Variants in LMO7 observed in about 807,000 individuals in gnomAD.
The protein encoded by LMO7 is LIM domain 7, also known as LIM domain only protein 7.
LMO7 carries 120 observed loss-of-function variants against 206.5 expected under a neutral mutation model. That is an observed-to-expected ratio of 0.58 (90% CI 0.50 to 0.68). The LOEUF is 0.68. Ranked by LOEUF, LMO7 falls within the 30% of genes least tolerant of loss-of-function variation. The probability of loss-of-function intolerance (pLI) is 0.00; values close to 1 mark genes in which losing one functional copy is unlikely to be tolerated. For synonymous variants in LMO7, 706 were observed against 681.5 expected (o/e 1.04, Z -0.56); for missense variants, 1,959 against 1,957.9 (o/e 1.00, Z -0.01).
chr13:75,848,179 C>G (rs891946052), intron 26 of LMO7, among the ~76,000 whole-genome samples: 1 of 152,118 alleles, frequency 6.6e-6, no homozygotes, highest in Non-Finnish European at 1.5e-5. Context: ...GAAGTATACA[C>G]TGAGCTGAAT....
At chr13:75,780,328 T>A (rs2051136088) in intron 4 of LMO7, among the ~76,000 whole-genome samples, 1 of 152,050 alleles carries the variant, frequency 6.6e-6, no homozygotes, top group Admixed American at 6.6e-5. Context: ...ACTCCCAGAG[T>A]GGCTATTTTA....
chr13:75,677,209 T>G (rs370390282), intron 1 of LMO7, among the ~76,000 whole-genome samples: 2 of 152,216 alleles, frequency 1.3e-5, no homozygotes, highest in East Asian at 3.8e-4. Flanking sequence ...TGGACCATCC[T>G]CTACAAAAAT....
chr13:75,833,078 A>G lies in LMO7; in HGVS notation c.2977A>G (p.Ile993Val). 1.2e-6 allele frequency: 2 copies of G among 1,610,246 alleles called. No homozygotes were observed. Among genetic ancestry groups the G allele is most frequent in the Non-Finnish European group, 1.7e-6 (2 of 1,176,654 alleles). ...TCAGTTCAGTGATATGAGAATCAGC[A>G]TAAACCAGACGCCTGGGAAGAGTCT... ...QDQFSDMRISINQTPGKSLDF... is the reference protein window; with the variant it reads ...QDQFSDMRISVNQTPGKSLDF... Residue 993 changes from isoleucine (I) to valine (V), a missense_variant, in exon 16 of 31, where the codon ATA becomes GTA. Ile to Val is a conservative substitution (Grantham distance 29). Coordinates refer to ENST00000377534, the MANE Select transcript of LMO7 (RefSeq NM_001306080.2).
At chr13:75,727,128 T>A in intron 3 of LMO7, 30 bp downstream of exon 3, 1 of 1,365,068 alleles carries the variant, frequency 7.3e-7, no homozygotes, top group Middle Eastern at 1.8e-4. Context: ...CACAACTAAA[T>A]TTATTTGTCT....
rs2055171075 is a variant in LMO7, at chr13:75,804,406, G to A, written c.779G>A (p.Arg260His). 2 of 1,614,122 alleles carry A rather than the reference G, an allele frequency of 1.2e-6. No individual in the cohort carries two copies. The highest frequency in any genetic ancestry group is 1.7e-6 in the Non-Finnish European group (2 of 1,179,994). ...CCAAAGACTGCGTTACCCTTCAATCGTTTTTTACCCAACAAAAGTAGACAG... is the reference window on the plus strand; with the variant it reads ...CCAAAGACTGCGTTACCCTTCAATCATTTTTTACCCAACAAAAGTAGACAG... ...VEPKTALPFN[R>H]FLPNKSRQPS... Residue 260 changes from arginine to histidine, a missense_variant, in exon 8 of 31, where the codon CGT becomes CAT. Coordinates refer to ENST00000377534, the MANE Select transcript of LMO7 (RefSeq NM_001306080.2).
intron 3 of LMO7, among the ~76,000 whole-genome samples, chr13:75,744,614 G>GAAATAGA (rs1177330120): frequency 6.6e-6 from 1 of 152,198 alleles, no homozygotes; most frequent in Non-Finnish European, 1.5e-5. Flanking sequence ...AAGTTGACAG[G>GAAATAGA]AAATAGAATC....
intron 3 of LMO7, among the ~76,000 whole-genome samples, chr13:75,755,009 G>A (rs1268434755): frequency 1.3e-5 from 2 of 152,206 alleles, no homozygotes; most frequent in Non-Finnish European, 2.9e-5. Context: ...GGGGTCAAGA[G>A]AATAAGAATG....
intron 2 of LMO7, among the ~76,000 whole-genome samples, chr13:75,723,449 TAGG>T (rs2044198562): frequency 6.6e-6 from 1 of 152,296 alleles, no homozygotes; most frequent in African/African-American, 2.4e-5. Flanking sequence ...TCTTTGGAAA[TAGG>T]AGCTCAAAAG....
intron 4 of LMO7, among the ~76,000 whole-genome samples, chr13:75,774,889 C>CT (rs1049801231): frequency 2.6e-5 from 4 of 152,020 alleles, no homozygotes; most frequent in African/African-American, 7.2e-5. Context: ...ATGATCCATA[C>CT]TTTTTTGTGT....
chr13:75,645,536 T>A (rs2036933733), intron 1 of LMO7, among the ~76,000 whole-genome samples: 2 of 152,206 alleles, frequency 1.3e-5, no homozygotes, highest in South Asian at 2.1e-4. Flanking sequence ...TAAATAAAAT[T>A]AAATAAATAA....
intron 14 of LMO7, among the ~76,000 whole-genome samples, chr13:75,822,595 A>G (rs923831863): frequency 6.6e-6 from 1 of 151,750 alleles, no homozygotes; most frequent in Non-Finnish European, 1.5e-5. Flanking sequence ...AGCACAAAGA[A>G]GTATGTTCAG....
intron 3 of LMO7, among the ~76,000 whole-genome samples, chr13:75,755,019 G>C (rs1159908517): frequency 2.0e-5 from 3 of 152,204 alleles, no homozygotes; most frequent in African/African-American, 7.2e-5. Flanking sequence ...GAATAAGAAT[G>C]AGCACTGCTT....
intron 5 of LMO7, 126 bp from the exon 6 acceptor site, chr13:75,796,504 TAAAAGA>T: frequency 6.7e-6 from 4 of 599,952 alleles, no homozygotes; most frequent in Non-Finnish European, 1.2e-5. Context: ...CCCATAAACT[TAAAAGA>T]AAGTCTACTT....
At position 75,838,596 on chromosome 13, in the gene LMO7, G is replaced by A. The variant is rs1347521307; in HGVS notation, c.3451+400G>A. ...ATTAGATTACACCAACATGCAATTG[G>A]CCAAGTTTTTAAAAACCTGACTTGT... On this transcript the variant is annotated intron_variant, in intron 20 of 30. Transcript: ENST00000377534. 4 of 196,780 alleles carry A rather than the reference G, an allele frequency of 2.0e-5. No homozygotes were observed. In the South Asian group the frequency reaches 2.6e-4, roughly 13 times the overall value. 12.2% of individuals were successfully genotyped at this position (196,780 alleles called of 1,614,324 possible). A position where few individuals can be genotyped will look rare whatever the true frequency, so the allele number is the denominator to read the frequency against.
intron 3 of LMO7, among the ~76,000 whole-genome samples, chr13:75,738,128 G>T (rs2046102769): frequency 6.6e-6 from 1 of 152,062 alleles, no homozygotes; most frequent in African/African-American, 2.4e-5. Context: ...CTGTGAAGGA[G>T]GTTTGTGTAA....
At chr13:75,840,309 A>G (rs1324747522) in intron 21 of LMO7, 82 bp from the exon 22 acceptor site, 4 of 1,490,544 alleles carry the variant, frequency 2.7e-6, no homozygotes, top group Non-Finnish European at 2.8e-6. Context: ...TGAATAATTT[A>G]TGTGTGCAAA....
intron 1 of LMO7, among the ~76,000 whole-genome samples, chr13:75,646,787 G>C (rs1370882009): frequency 6.6e-6 from 1 of 151,958 alleles, no homozygotes; most frequent in East Asian, 1.9e-4. Flanking sequence ...GTTTTTTCAT[G>C]TTGATCAGGC....
At chr13:75,644,705 T>A (rs1331560320) in intron 1 of LMO7, among the ~76,000 whole-genome samples, 1 of 152,228 alleles carries the variant, frequency 6.6e-6, no homozygotes, top group East Asian at 1.9e-4. Context: ...CATAGCTCAC[T>A]GCAGCCTTGA....
intron 15 of LMO7, among the ~76,000 whole-genome samples, chr13:75,824,952 CTTTCT>C (rs1266757513): frequency 2.0e-5 from 3 of 151,906 alleles, no homozygotes; most frequent in Non-Finnish European, 2.9e-5. Context: ...AAAATTTAAA[CTTTCT>C]TTTCTGGTTG....
Sources: allele counts gnomAD v4.1 joint callset (sites outside exome capture counted in the v4.1 genomes callset), GRCh38; gene constraint gnomAD v4.1.1; transcripts MANE v1.5; gene names NCBI Gene and HGNC (gene_info 2026-07-23, HGNC 2026-07-21).